GALNT17: variants seen among roughly 807,000 people sequenced by gnomAD.
GALNT17 encodes the protein polypeptide N-acetylgalactosaminyltransferase 17.
A neutral mutation model predicts 63.7 loss-of-function variants in GALNT17; 29 were observed. That is an observed-to-expected ratio of 0.46 (90% CI 0.34 to 0.62). The LOEUF (loss-of-function observed/expected upper bound fraction) is 0.62. GALNT17 is among the 20% of genes least tolerant of loss of function. The probability of loss-of-function intolerance (pLI) is 0.01; values close to 1 mark genes in which losing one functional copy is unlikely to be tolerated. For synonymous variants in GALNT17, 305 were observed against 318.3 expected, an observed-to-expected ratio of 0.96 and a Z score of 0.45; for missense variants, 603 against 799.6, an observed-to-expected ratio of 0.75 and a Z score of 2.97.
At chr7:71,297,546 T>TGAAGG in intron 1 of GALNT17, among the ~76,000 whole-genome samples, 1 of 152,022 alleles carries the variant, frequency 6.6e-6, no homozygotes, top group Non-Finnish European at 1.5e-5. Flanking sequence ...GGAGGATTGC[T>TGAAGG]TGGGCCCAGG....
intron 1 of GALNT17, among the ~76,000 whole-genome samples, chr7:71,242,807 C>T (rs1790023832): frequency 6.6e-6 from 1 of 152,212 alleles, no homozygotes; most frequent in Admixed American, 6.5e-5. Context: ...TCACAAACAG[C>T]AGAACTGATA....
chr7:71,691,195 C>G (rs987236097), intron 9 of GALNT17, among the ~76,000 whole-genome samples: 41 of 152,136 alleles, frequency 2.7e-4, no homozygotes, highest in Admixed American at 2.7e-3. Flanking sequence ...ACCACCCCGC[C>G]ACCCTGATCA....
At chr7:71,617,716 C>G (rs554180596) in intron 6 of GALNT17, among the ~76,000 whole-genome samples, 5 of 151,988 alleles carry the variant, frequency 3.3e-5, no homozygotes, top group Non-Finnish European at 7.4e-5. Context: ...GATCTCGGCT[C>G]ACTGCAACCT....
At chr7:71,308,176 C>A (rs1791342219) in intron 1 of GALNT17, among the ~76,000 whole-genome samples, 2 of 152,166 alleles carry the variant, frequency 1.3e-5, no homozygotes, top group South Asian at 4.2e-4. Context: ...AGGAATGGCA[C>A]TATTCTTGTC....
At chr7:71,140,884 T>C (rs1787875972) in intron 1 of GALNT17, among the ~76,000 whole-genome samples, 1 of 151,714 alleles carries the variant, frequency 6.6e-6, no homozygotes, top group Non-Finnish European at 1.5e-5. Flanking sequence ...AGCCAGACAT[T>C]GTGGTGCATG....
chr7:71,386,382 G>C (rs73360161), intron 2 of GALNT17, among the ~76,000 whole-genome samples: 1 of 152,116 alleles, frequency 6.6e-6, no homozygotes, highest in Admixed American at 6.5e-5. Context: ...TCCCTGTTCC[G>C]TTGTGCTATA....
At chr7:71,325,476 A>G (rs750047521) in intron 1 of GALNT17, among the ~76,000 whole-genome samples, 3 of 152,162 alleles carry the variant, frequency 2.0e-5, no homozygotes, top group Admixed American at 2.0e-4. Flanking sequence ...GTCACCATCT[A>G]TCCTGGAGTT....
intron 1 of GALNT17, among the ~76,000 whole-genome samples, chr7:71,250,980 A>C (rs1254297324): frequency 3.3e-5 from 5 of 152,240 alleles, no homozygotes; most frequent in African/African-American, 1.2e-4. Context: ...TCTTGGCTGT[A>C]GGTGAAAGCA....
At chr7:71,259,641 T>TTG (rs1554345422) in intron 1 of GALNT17, among the ~76,000 whole-genome samples, 1 of 146,586 alleles carries the variant, frequency 6.8e-6, no homozygotes, top group African/African-American at 2.6e-5. Context: ...GTTTTTTGTT[T>TTG]TTTTGTTTTT....
chr7:71,264,167 G>A (rs1212778365), intron 1 of GALNT17, among the ~76,000 whole-genome samples: 1 of 152,162 alleles, frequency 6.6e-6, no homozygotes, highest in East Asian at 1.9e-4. Context: ...CCTGCTGGGG[G>A]CAGCTGATGC....
chr7:71,593,860 A>G (rs886284394), intron 6 of GALNT17, among the ~76,000 whole-genome samples: 21 of 151,982 alleles, frequency 1.4e-4, no homozygotes, highest in African/African-American at 5.1e-4. Context: ...AAAACTACAT[A>G]TTTTTCTAAG....
At chr7:71,299,060 C>A (rs182660691) in intron 1 of GALNT17, among the ~76,000 whole-genome samples, 1 of 152,170 alleles carries the variant, frequency 6.6e-6, no homozygotes, top group African/African-American at 2.4e-5. Flanking sequence ...TAGTCACTCA[C>A]CTGCGGAGAG....
At chr7:71,176,397 A>G (rs758564295) in intron 1 of GALNT17, among the ~76,000 whole-genome samples, 3 of 152,098 alleles carry the variant, frequency 2.0e-5, no homozygotes, top group Non-Finnish European at 2.9e-5. Context: ...GGCAGGATTT[A>G]ATTGTTGGAT....
At chr7:71,317,446 G>A (rs533590939) in intron 1 of GALNT17, among the ~76,000 whole-genome samples, 2 of 152,204 alleles carry the variant, frequency 1.3e-5, no homozygotes, top group African/African-American at 2.4e-5. Context: ...GGCTGGGCGT[G>A]GTGGCTCTTG....
At chr7:71,618,914 G>A (rs183942897) in intron 6 of GALNT17, among the ~76,000 whole-genome samples, 2 of 152,172 alleles carry the variant, frequency 1.3e-5, no homozygotes, top group Admixed American at 6.5e-5. Flanking sequence ...GTATTTCCTA[G>A]GTTGTCTTCC....
intron 1 of GALNT17, among the ~76,000 whole-genome samples, chr7:71,207,957 C>A (rs1789305065): frequency 6.8e-6 from 1 of 147,670 alleles, no homozygotes; most frequent in Admixed American, 6.8e-5. Context: ...TTTTTTGAGA[C>A]AGGGTCTTGC....
At position 71,405,103 on chromosome 7, in the gene GALNT17, T is replaced by C. The variant is rs187205350; in HGVS notation, c.590-10786T>C. ...GTACACACTGATAATTAGTCTGTAA[T>C]CAGAAGTGTGGGTGCTTCCAAGCTA... On this transcript the variant is annotated intron_variant, in intron 3 of 10. Coordinates refer to ENST00000333538, the MANE Select transcript of GALNT17 (RefSeq NM_022479.3). Among the ~76,000 whole-genome samples the C allele has an allele frequency of 1.2e-3, 187 of 152,314 alleles. 1 individual carries two copies. The highest frequency in any genetic ancestry group is 2.1e-3 in the Non-Finnish European group (146 of 68,018).
chr7:71,666,109 G>A lies in GALNT17; in HGVS notation c.1266+513G>A, dbSNP rs115381221. Among the ~76,000 whole-genome samples the A allele has an allele frequency of 7.5e-3, 1,142 of 152,090 alleles. 14 individuals carry two copies. Among genetic ancestry groups the A allele is most frequent in the African/African-American group, 0.026 (1,094 of 41,484 alleles). Reference sequence around the variant, plus strand: ...TGTCATGCGGTAGTTGTATATTAGCGTGGTTTGAATCCCAACTCTATCATT... The same window carrying A: ...TGTCATGCGGTAGTTGTATATTAGCATGGTTTGAATCCCAACTCTATCATT... On this transcript the variant is annotated intron_variant, in intron 7 of 10. Transcript: ENST00000333538.
chr7:71,301,396 AATAT>A (rs1304057755), intron 1 of GALNT17, among the ~76,000 whole-genome samples: 1 of 147,460 alleles, frequency 6.8e-6, no homozygotes, highest in Non-Finnish European at 1.5e-5. Flanking sequence ...TATATAATAA[AATAT>A]ATATTTAAAT....
Sources: allele counts gnomAD v4.1 joint callset (sites outside exome capture counted in the v4.1 genomes callset), GRCh38; gene constraint gnomAD v4.1.1; transcripts MANE v1.5; gene names NCBI Gene and HGNC (gene_info 2026-07-23, HGNC 2026-07-21).